RAB2A: variants seen among roughly 807,000 people sequenced by gnomAD.
RAB2A encodes RAB2A, member RAS oncogene family, also known as ras-related protein Rab-2A.
Under a neutral mutation model 32.5 loss-of-function variants are expected in RAB2A, and 7 were observed. The ratio of observed to expected loss-of-function variants is 0.22; its 90% CI spans 0.12 to 0.40. The LOEUF (loss-of-function observed/expected upper bound fraction) is 0.40. Ranked by LOEUF, RAB2A falls within the 10% of genes least tolerant of loss-of-function variation. The probability of loss-of-function intolerance (pLI) is 1.00; values close to 1 mark genes in which losing one functional copy is unlikely to be tolerated. For synonymous variants in RAB2A, 79 were observed against 85.2 expected (o/e 0.93, Z 0.40); for missense variants, 108 against 260.7 (o/e 0.41, Z 4.03).
intron 3 of RAB2A, among the ~76,000 whole-genome samples, chr8:60,577,132 A>AC (rs1452777127): frequency 6.7e-6 from 1 of 149,538 alleles, no homozygotes; most frequent in East Asian, 2.0e-4. Context: ...CACAGCCTCC[A>AC]CCTCCCAGGC....
chr8:60,575,297 G>A (rs977211776), intron 3 of RAB2A, among the ~76,000 whole-genome samples: 1 of 151,856 alleles, frequency 6.6e-6, no homozygotes, highest in African/African-American at 2.4e-5. Context: ...ATGGAGTCTT[G>A]TTATGTTTCC....
rs1186445291 is a variant in RAB2A at position 60,575,094 on chromosome 8, T to G, written c.186+2981T>G. Among the ~76,000 whole-genome samples the G allele has an allele frequency of 3.1e-4, 13 of 41,598 alleles. No homozygotes were observed. The East Asian group carries it at 9.8e-3, about 31-fold the overall frequency. 27.3% of individuals were successfully genotyped at this position (41,598 alleles called of 152,430 possible). A position where few individuals can be genotyped will look rare whatever the true frequency, so the allele number is the denominator to read the frequency against. On this transcript the variant is annotated intron_variant, in intron 3 of 7. Transcript: ENST00000262646. Reference sequence around the variant, plus strand: ...TCTTTTGTTTTTGTTTTTTTGGGGGTTTTTTTTTTTTTTTTTGGTTTTGAG... The same window carrying G: ...TCTTTTGTTTTTGTTTTTTTGGGGGGTTTTTTTTTTTTTTTTGGTTTTGAG...
chr8:60,576,347 T>G, intron 3 of RAB2A: 1 of 443,356 alleles, frequency 2.3e-6, no homozygotes, highest in Non-Finnish European at 4.5e-6. Flanking sequence ...CTTGTTCTGC[T>G]CTTGTTCTTT....
intron 1 of RAB2A, among the ~76,000 whole-genome samples, chr8:60,531,004 A>G (rs527743454): frequency 2.1e-4 from 32 of 152,354 alleles, no homozygotes; most frequent in Middle Eastern, 3.4e-3. Context: ...TAAAACAGGT[A>G]TAGTACCTGC....
chr8:60,561,065 G>T (rs1375873836), intron 2 of RAB2A, among the ~76,000 whole-genome samples: 1 of 152,192 alleles, frequency 6.6e-6, no homozygotes, highest in Non-Finnish European at 1.5e-5. Context: ...TCCAGCCCCT[G>T]CCTGGCAGGC....
At chr8:60,526,102 T>C (rs1189950284) in intron 1 of RAB2A, among the ~76,000 whole-genome samples, 1 of 144,026 alleles carries the variant, frequency 6.9e-6, no homozygotes, top group African/African-American at 2.6e-5. Flanking sequence ...ACTTAGCAAC[T>C]GAAACAACAT....
chr8:60,550,935 G>C (rs1735508), intron 1 of RAB2A, among the ~76,000 whole-genome samples: 1 of 152,096 alleles, frequency 6.6e-6, no homozygotes, highest in Non-Finnish European at 1.5e-5. Flanking sequence ...CCTCATTGCA[G>C]TTTCTCTAAA....
chr8:60,562,742 T>C (rs1303740682), intron 2 of RAB2A, among the ~76,000 whole-genome samples: 1 of 152,180 alleles, frequency 6.6e-6, no homozygotes, highest in Admixed American at 6.5e-5. Flanking sequence ...TAATGATAAT[T>C]ACATTGTTTT....
intron 6 of RAB2A, among the ~76,000 whole-genome samples, chr8:60,601,524 A>G (rs1015855561): frequency 6.6e-6 from 1 of 152,072 alleles, no homozygotes; most frequent in Non-Finnish European, 1.5e-5. Context: ...TTCTAGTAGA[A>G]ACAAGGTTTC....
At chr8:60,581,060 A>G (rs548153211) in intron 3 of RAB2A, among the ~76,000 whole-genome samples, 1 of 152,314 alleles carries the variant, frequency 6.6e-6, no homozygotes, top group East Asian at 1.9e-4. Flanking sequence ...AGATGCTAAC[A>G]CCCTCAGTAG....
In RAB2A at chr8:60,565,674, T is replaced by A. The variant is rs77793311; in HGVS notation, c.119-6372T>A. On this transcript the variant is annotated intron_variant, in intron 2 of 7. Transcript: ENST00000262646. ...TAAGCTCTGAAAAAGTCTCTGTAGC[T>A]GATTTTTTTTTTTTTTTTTTTTTTT... is the stretch of plus-strand genomic sequence containing the variant. Among the ~76,000 whole-genome samples the A allele has an allele frequency of 7.6e-3, 951 of 124,946 alleles. 12 individuals are homozygous for A. The highest frequency in any genetic ancestry group is 0.025 in the African/African-American group (865 of 35,200). The allele number at this position is 124,946 out of a possible 152,430, so 82.0% of individuals were successfully genotyped here.
At chr8:60,563,678 AGTTTCAT>A (rs1808060860) in intron 2 of RAB2A, among the ~76,000 whole-genome samples, 3 of 152,318 alleles carry the variant, frequency 2.0e-5, no homozygotes, top group African/African-American at 7.2e-5. Context: ...TTCAGAATTT[AGTTTCAT>A]GCATTTGACT....
chr8:60,564,898 A>G (rs1007999660), intron 2 of RAB2A, among the ~76,000 whole-genome samples: 1 of 152,232 alleles, frequency 6.6e-6, no homozygotes, highest in South Asian at 2.1e-4. Flanking sequence ...TACTTAGTGG[A>G]GGAAAACTTC....
At chr8:60,603,729 T>C (rs1804176821) in intron 6 of RAB2A, among the ~76,000 whole-genome samples, 1 of 152,146 alleles carries the variant, frequency 6.6e-6, no homozygotes. Flanking sequence ...GATATTATTA[T>C]TAAAAATGAG....
chr8:60,581,741 C>T (rs1449662061), intron 3 of RAB2A, among the ~76,000 whole-genome samples: 1 of 151,964 alleles, frequency 6.6e-6, no homozygotes, highest in East Asian at 1.9e-4. Flanking sequence ...AACAGTGGCC[C>T]ACACCTGTAA....
chr8:60,575,428 A>G (rs897567535), intron 3 of RAB2A, among the ~76,000 whole-genome samples: 1 of 152,092 alleles, frequency 6.6e-6, no homozygotes, highest in Admixed American at 6.5e-5. Flanking sequence ...CACTTAGTTT[A>G]TATCTGAGTG....
At chr8:60,601,754 A>G (rs1804138306) in intron 6 of RAB2A, among the ~76,000 whole-genome samples, 1 of 152,260 alleles carries the variant, frequency 6.6e-6, no homozygotes, top group Admixed American at 6.5e-5. Flanking sequence ...CACAATGTCC[A>G]CATGACAGAT....
At chr8:60,583,940 A>G in intron 3 of RAB2A, 1 of 282,132 alleles carries the variant, frequency 3.5e-6, no homozygotes, top group Non-Finnish European at 7.0e-6. Context: ...TTGGGTTGTC[A>G]GGGATTGCCA....
At chr8:60,523,138 T>C (rs544213769) in intron 1 of RAB2A, among the ~76,000 whole-genome samples, 9 of 150,314 alleles carry the variant, frequency 6.0e-5, no homozygotes, top group Non-Finnish European at 1.3e-4. Context: ...TAAACACCCA[T>C]GCAAAAGGAC....
Sources: gnomAD v4.1 joint callset for allele counts (sites outside exome capture counted in the v4.1 genomes callset) on GRCh38, gnomAD v4.1.1 for gene constraint, MANE v1.5 for transcripts, NCBI Gene and HGNC (gene_info 2026-07-23, HGNC 2026-07-21) for gene names.